The following DYSF variants were observed in gnomAD, a reference collection of about 807,000 sequenced individuals.
DYSF encodes dysferlin, also known as dystrophy-associated fer-1-like 1.
DYSF carries 212 observed loss-of-function variants against 274.9 expected under a neutral mutation model. The ratio of observed to expected loss-of-function variants is 0.77; its 90% confidence interval spans 0.69 to 0.86. The LOEUF (loss-of-function observed/expected upper bound fraction) is 0.86. DYSF is among the 40% of genes least tolerant of loss of function. DYSF has a pLI of 0.00. For missense variants in DYSF, 2,666 were observed against 2,783.2 expected (o/e 0.96, Z 0.95); for synonymous variants, 1,091 against 1,078.7 (o/e 1.01, Z -0.22).
At chr2:71,684,238 G>C (rs558150573) in intron 55 of DYSF, among the ~76,000 whole-genome samples, 2 of 152,336 alleles carry the variant, frequency 1.3e-5, no homozygotes, top group South Asian at 4.1e-4. Flanking sequence ...AATATAAGCT[G>C]AGATACAGGA....
chr2:71,564,164 CCAA>C lies in DYSF; in HGVS notation c.2518_2520del (p.Asn840del). The C allele has an allele frequency of 6.2e-7, 1 of 1,614,262 alleles. No individual in the cohort carries two copies. The highest frequency in any genetic ancestry group is 8.5e-7 in the Non-Finnish European group (1 of 1,180,042). ...CAAGTCCTCTTCTCCCGGCGGGGTG[CCAA>C]CTACTGTGGCAAGAATTGTGGGAAG... On this transcript the variant is annotated inframe_deletion, in exon 24 of 56. Coordinates refer to ENST00000410020, the MANE Select transcript of DYSF (RefSeq NM_001130987.2).
chr2:71,682,417 G>A (rs1438677699), intron 54 of DYSF, 113 bp from the exon 55 acceptor site: 73 of 1,347,112 alleles, frequency 5.4e-5, no homozygotes, highest in East Asian at 2.1e-4. Flanking sequence ...CTGGGCAGGC[G>A]CTGGGGGTGG....
chr2:71,618,455 G>GC (rs2093988740), intron 40 of DYSF, among the ~76,000 whole-genome samples: 1 of 19,098 alleles, frequency 5.2e-5, no homozygotes, highest in Non-Finnish European at 1.1e-4. Context: ...TAGAGGTGGG[G>GC]TTGTGTGTGT....
exon 1 of DYSF, chr2:71,453,839 C>T: frequency 2.6e-6 from 2 of 767,358 alleles, no homozygotes; most frequent in South Asian, 1.5e-5. Flanking sequence ...GCCCGTTCCC[C>T]TTTAAGAGCA....
chr2:71,644,200 C>G (rs536933772), intron 42 of DYSF, 137 bp downstream of exon 42: 77 of 824,154 alleles, frequency 9.3e-5, no homozygotes, highest in Non-Finnish European at 1.0e-4. Flanking sequence ...ATGAATGCTG[C>G]TAGACCAGCT....
chr2:71,627,710 A>C (rs1480517102), intron 41 of DYSF, among the ~76,000 whole-genome samples: 1 of 152,132 alleles, frequency 6.6e-6, no homozygotes, highest in Non-Finnish European at 1.5e-5. Context: ...ATTTCTCCTT[A>C]TAATTCCACC....
chr2:71,545,828 G>C (rs941963373), intron 17 of DYSF, among the ~76,000 whole-genome samples: 5 of 152,148 alleles, frequency 3.3e-5, no homozygotes, highest in Non-Finnish European at 7.4e-5. Flanking sequence ...GTGTCCGCAT[G>C]AGTGTGTTGG....
At chr2:71,578,615 G>A (rs530252358) in intron 30 of DYSF, among the ~76,000 whole-genome samples, 2 of 152,346 alleles carry the variant, frequency 1.3e-5, no homozygotes, top group Non-Finnish European at 1.5e-5. Context: ...GAAGAAGGAT[G>A]TTGGGAGGCA....
intron 3 of DYSF, among the ~76,000 whole-genome samples, chr2:71,482,181 A>G (rs986598454): frequency 2.0e-5 from 3 of 152,142 alleles, no homozygotes; most frequent in Middle Eastern, 3.2e-3. Flanking sequence ...CTTCCAGGCT[A>G]CAGGGGAGGG....
At chr2:71,668,940 T>C in intron 49 of DYSF, 98 bp downstream of exon 49, 1 of 1,398,578 alleles carries the variant, frequency 7.2e-7, no homozygotes, top group Non-Finnish European at 9.9e-7. Flanking sequence ...TCTGCCGGGC[T>C]TCAGGCTATT....
rs773799968 is a variant in DYSF, at chr2:71,681,023, A to G, written c.6086A>G (p.Glu2029Gly). The change falls in exon 54 of 56, where the codon GAG (glutamate) becomes GGG (glycine). Residue 2029 changes from glutamate to glycine, a missense_variant. Glu to Gly is a moderately conservative substitution (Grantham distance 98). Transcript: ENST00000410020. The stretch of plus-strand genomic sequence containing the variant: ...CAGGGCAAGCTGGAAATGACCTTGG[A>G]GATTGTAGCAGAGAGTGAGCATGAG... Reference protein sequence around the residue: ...ILAGKLEMTLEIVAESEHEER... With the variant: ...ILAGKLEMTLGIVAESEHEER... 39 of 1,614,130 alleles carry G rather than the reference A, an allele frequency of 2.4e-5. 1 individual carries two copies. In the South Asian group the frequency reaches 4.2e-4, roughly 17 times the overall value.
chr2:71,458,773 A>G (rs1469208733), intron 1 of DYSF, among the ~76,000 whole-genome samples: 1 of 152,120 alleles, frequency 6.6e-6, no homozygotes, highest in Non-Finnish European at 1.5e-5. Flanking sequence ...ACTGTGCTGG[A>G]GTTGCTAGTG....
At chr2:71,664,152 C>G (rs1450564497) in intron 45 of DYSF, 116 bp from the exon 46 acceptor site, 1 of 1,339,416 alleles carries the variant, frequency 7.5e-7, no homozygotes, top group East Asian at 2.4e-5. Flanking sequence ...CCTGTAAGAT[C>G]TGTAGGGGGC....
chr2:71,500,598 C>T (rs1385108321), intron 3 of DYSF, among the ~76,000 whole-genome samples: 1 of 152,092 alleles, frequency 6.6e-6, no homozygotes, highest in African/African-American at 2.4e-5. Context: ...GTTCCCTGAC[C>T]CACTTCCGGG....
At chr2:71,556,969 C>T (rs1000692850) in intron 22 of DYSF, among the ~76,000 whole-genome samples, 1 of 152,226 alleles carries the variant, frequency 6.6e-6, no homozygotes, top group Non-Finnish European at 1.5e-5. Flanking sequence ...ACTGATCCAG[C>T]ATCCCTTCTA....
chr2:71,645,706 T>C (rs1202576728), intron 42 of DYSF, among the ~76,000 whole-genome samples: 2 of 152,046 alleles, frequency 1.3e-5, no homozygotes, highest in African/African-American at 4.8e-5. Flanking sequence ...TACCCAGCAC[T>C]TACCTGACCC....
At chr2:71,510,276 TA>T (rs1307105812) in intron 4 of DYSF, among the ~76,000 whole-genome samples, 1 of 152,194 alleles carries the variant, frequency 6.6e-6, no homozygotes, top group Non-Finnish European at 1.5e-5. Context: ...AGGCCCACCC[TA>T]GACCTACTGA....
At chr2:71,510,792 C>G (rs1381176180) in intron 4 of DYSF, among the ~76,000 whole-genome samples, 2 of 152,208 alleles carry the variant, frequency 1.3e-5, no homozygotes, top group Non-Finnish European at 2.9e-5. Context: ...TTGTCAAAAC[C>G]TGGGGAGAGC....
intron 3 of DYSF, 23 bp downstream of exon 3, chr2:71,481,993 C>T (rs1309718222): frequency 2.5e-6 from 4 of 1,596,336 alleles, no homozygotes; most frequent in African/African-American, 1.3e-5. Context: ...GAGGGGGGTG[C>T]TCCATGGCTT....
Sources: gnomAD v4.1 joint callset for allele counts (sites outside exome capture counted in the v4.1 genomes callset) on GRCh38, gnomAD v4.1.1 for gene constraint, MANE v1.5 for transcripts, NCBI Gene and HGNC (gene_info 2026-07-23, HGNC 2026-07-21) for gene names.